The following ZNF592 variants were observed in gnomAD, a reference collection of about 807,000 sequenced individuals.
ZNF592 encodes spinocerebellar ataxia, autosomal recessive 5.
Under a neutral mutation model 80.3 loss-of-function variants are expected in ZNF592, and 11 were observed. The observed-to-expected ratio is 0.14, with a 90% confidence interval of 0.09 to 0.23. The LOEUF is 0.23. ZNF592 is among the 10% of genes least tolerant of loss of function. ZNF592 has a pLI of 1.00. For synonymous variants in ZNF592, 646 were observed against 640.3 expected (o/e 1.01, Z -0.13); for missense variants, 1,420 against 1,633.9 (o/e 0.87, Z 2.26).
rs148630840 is a variant in ZNF592, at chr15:84,784,735, C to T, written c.2060C>T (p.Ser687Leu). Residue 687 changes from serine (S) to leucine (L), a missense_variant, in exon 4 of 11, where the codon TCG becomes TTG. Around this residue, in one of 7 missense-constraint regions of ZNF592, gnomAD observed 524 missense variants for 628.3 expected, o/e 0.83. Coordinates refer to ENST00000560079, the MANE Select transcript of ZNF592 (RefSeq NM_014630.3). The surrounding 1 kb of genome is among the most constrained non-coding windows in gnomAD (Gnocchi z 5.8). ...TCCTCTCCCAAACATGGCCTCACTT[C>T]GGGCAGTGCCAGTCCCCCTCCTCCA... ...PSSSPKHGLT[S>L]GSASPPPPAL... 166 of 1,614,138 alleles carry T rather than the reference C, an allele frequency of 1.0e-4. 1 individual carries two copies. In the East Asian group the frequency reaches 1.1e-3, roughly 11 times the overall value.
rs377723298 is a variant in ZNF592, at chr15:84,802,329, A to G, written c.3740A>G (p.Asn1247Ser). Residue 1247 changes from asparagine (N) to serine (S), a missense_variant, in exon 11 of 11, where the codon AAT becomes AGT. Around this residue, in one of 7 missense-constraint regions of ZNF592, gnomAD observed 145 missense variants for 211.9 expected, o/e 0.68. Coordinates refer to ENST00000560079, the MANE Select transcript of ZNF592 (RefSeq NM_014630.3). The stretch of plus-strand genomic sequence containing the variant: ...GCCCCTGAGGACGATGGTGGCCACA[A>G]TGATCACAGTCAACCACAGGCCTCT... Reference protein sequence around the residue: ...GPAPEDDGGHNDHSQPQASQD... With the variant: ...GPAPEDDGGHSDHSQPQASQD... 1.5e-5 allele frequency: 25 copies of G among 1,613,880 alleles called. No homozygotes were observed. The highest frequency in any genetic ancestry group is 1.9e-5 in the Non-Finnish European group (22 of 1,180,028).
chr15:84,783,620 T>C lies in ZNF592; in HGVS notation c.945T>C (p.Thr315=). The C allele has an allele frequency of 6.2e-7, 1 of 1,614,068 alleles. No homozygotes were observed. Among genetic ancestry groups the C allele is most frequent in the Non-Finnish European group, 8.5e-7 (1 of 1,180,010 alleles). Reference sequence around the variant, plus strand: ...ACACAAAGGATCTCTCAGGGCCCACTAAAGAGAGTTCTAAAGGTAGCCCCA... The same window carrying C: ...ACACAAAGGATCTCTCAGGGCCCACCAAAGAGAGTTCTAAAGGTAGCCCCA... The part of the protein sequence containing the change: ...PGHTKDLSGP[T]KESSKGSPKM... The change falls in exon 4 of 11, where the codon ACT becomes ACC. Residue 315 remains threonine, a synonymous_variant. Transcript: ENST00000560079. This position sits in a 1 kb window ranked among gnomAD's most constrained non-coding sequence, Gnocchi z 5.0.
chr15:84,787,417 A>C (rs1962622241), intron 4 of ZNF592, among the ~76,000 whole-genome samples: 1 of 152,212 alleles, frequency 6.6e-6, no homozygotes, highest in South Asian at 2.1e-4. Flanking sequence ...TATGGGATTA[A>C]AAACTAGGCT....
intron 3 of ZNF592, among the ~76,000 whole-genome samples, chr15:84,781,111 C>T (rs1435310956): frequency 2.6e-5 from 4 of 151,956 alleles, no homozygotes; most frequent in African/African-American, 7.3e-5. Context: ...GGCAGTGGTG[C>T]GATCTCTACT....
At chr15:84,773,438 C>T (rs1029712800) in intron 2 of ZNF592, among the ~76,000 whole-genome samples, 1 of 152,106 alleles carries the variant, frequency 6.6e-6, no homozygotes, top group Non-Finnish European at 1.5e-5. Context: ...GTCTCGATCT[C>T]CTGACCTCGT....
chr15:84,777,470 C>T lies in ZNF592; in HGVS notation c.-149-713C>T, dbSNP rs1329641562. 3.6e-5 allele frequency among the ~76,000 whole-genome samples: 5 copies of T among 138,990 alleles called. No homozygotes were observed. The East Asian group carries it at 6.3e-4, about 17-fold the overall frequency. The allele number at this position is 138,990 out of a possible 152,430, so 91.2% of individuals were successfully genotyped here. ...CAGACTGGGTGACAGGGCAAGACTC[C>T]GTCTCAAAAAAAAAAAAAAAGAAAA... On this transcript the variant is annotated intron_variant, in intron 2 of 10. Coordinates refer to ENST00000560079, the MANE Select transcript of ZNF592 (RefSeq NM_014630.3).
At chr15:84,754,775 G>C (rs1239212798) in intron 1 of ZNF592, among the ~76,000 whole-genome samples, 1 of 151,922 alleles carries the variant, frequency 6.6e-6, no homozygotes, top group Non-Finnish European at 1.5e-5. Context: ...GGGATGAAAA[G>C]GATGATAATG....
At chr15:84,767,382 C>T (rs1308544108) in intron 2 of ZNF592, among the ~76,000 whole-genome samples, 1 of 152,058 alleles carries the variant, frequency 6.6e-6, no homozygotes, top group Non-Finnish European at 1.5e-5. Context: ...CCCAGCAGGT[C>T]TGAGGCTGCT....
chr15:84,772,131 C>G (rs1291185702), intron 2 of ZNF592, among the ~76,000 whole-genome samples: 3 of 152,172 alleles, frequency 2.0e-5, no homozygotes, highest in South Asian at 4.1e-4. Context: ...CATTCCCAAT[C>G]TGGGGCTTTG....
Position 84,750,940 on chromosome 15 carries a change from T to G in ZNF592, c.-259+2276T>G, listed in dbSNP as rs796813607. The stretch of plus-strand genomic sequence containing the variant: ...TGTATCTCCAGTGTAATTAGGAACC[T>G]TTGAAGGGTTTAAGGGAATGACATG... On this transcript the variant is annotated intron_variant, in intron 1 of 10. Coordinates refer to ENST00000560079, the MANE Select transcript of ZNF592 (RefSeq NM_014630.3). Among the ~76,000 whole-genome samples, 5 of 152,300 alleles carry G rather than the reference T, an allele frequency of 3.3e-5. 1 individual carries two copies. The highest frequency in any genetic ancestry group is 1.2e-4 in the African/African-American group (5 of 41,566).
chr15:84,790,654 C>G, intron 4 of ZNF592, 51 bp from the exon 5 acceptor site: 1 of 1,593,498 alleles, frequency 6.3e-7, no homozygotes, highest in Non-Finnish European at 8.6e-7. Flanking sequence ...GATTGGAGAG[C>G]CACAGGCCTA....
At chr15:84,767,766 T>C (rs1185202402) in intron 2 of ZNF592, among the ~76,000 whole-genome samples, 1 of 152,156 alleles carries the variant, frequency 6.6e-6, no homozygotes, top group African/African-American at 2.4e-5. Context: ...AGCAGCTTTA[T>C]TGAGATATAA....
chr15:84,774,807 A>T (rs1251399657), intron 2 of ZNF592, among the ~76,000 whole-genome samples: 1 of 152,054 alleles, frequency 6.6e-6, no homozygotes, highest in East Asian at 1.9e-4. Flanking sequence ...TTTGAGACAG[A>T]GTCCACTCTG....
Position 84,802,012 on chromosome 15 carries a change from C to T in ZNF592, c.3423C>T (p.Ser1141=), listed in dbSNP as rs1259798293. 6.2e-7 allele frequency: 1 copy of T among 1,613,968 alleles called. No homozygotes were observed. The highest frequency in any genetic ancestry group is 2.2e-5 in the East Asian group (1 of 44,880). The part of the protein sequence containing the change: ...FATDSGLEFQ[S]HIPQHQVDSS... Reference sequence around the variant, plus strand: ...CAGACTCGGGGCTCGAGTTTCAGAGCCACATACCTCAGCACCAGGTGGACA... The same window carrying T: ...CAGACTCGGGGCTCGAGTTTCAGAGTCACATACCTCAGCACCAGGTGGACA... The change falls in exon 11 of 11, where the codon AGC becomes AGT. Residue 1141 remains serine (S), a synonymous_variant. Coordinates refer to ENST00000560079, the MANE Select transcript of ZNF592 (RefSeq NM_014630.3).
At chr15:84,786,742 A>G (rs1437316994) in intron 4 of ZNF592, among the ~76,000 whole-genome samples, 2 of 151,014 alleles carry the variant, frequency 1.3e-5, no homozygotes, top group African/African-American at 2.4e-5. Flanking sequence ...GAGTTGGGCC[A>G]GGTTTACTTT....
rs1212544565 is a variant in ZNF592, at chr15:84,801,928, T to A, written c.3339T>A (p.Thr1113=). The A allele has an allele frequency of 1.9e-6, 3 of 1,613,972 alleles. No homozygotes were observed. Among genetic ancestry groups the A allele is most frequent in the Non-Finnish European group, 2.5e-6 (3 of 1,179,856 alleles). The change falls in exon 11 of 11, where the codon ACT becomes ACA. Residue 1113 remains threonine, a synonymous_variant. Coordinates refer to ENST00000560079, the MANE Select transcript of ZNF592 (RefSeq NM_014630.3). ...CTCCAGGCACCAGCAATGGCGCAAC[T>A]GTCTCTTCCACCAAAAGGCACAAGT... ...GDAPGTSNGA[T]VSSTKRHKSL...
At position 84,805,997 on chromosome 15, in the gene ZNF592, T is replaced by G. The variant is rs1050446852; in HGVS notation, c.*3604T>G. On this transcript the variant is annotated 3_prime_UTR_variant, in exon 11 of 11. Transcript: ENST00000560079. Reference sequence around the variant, plus strand: ...ATACACAGTGTTCTGAAGCTTGCTTTCTTATATAGTATTTTGGAGATTATT... The same window carrying G: ...ATACACAGTGTTCTGAAGCTTGCTTGCTTATATAGTATTTTGGAGATTATT... The G allele has an allele frequency of 4.6e-5, 7 of 152,638 alleles. No individual in the cohort carries two copies. Among genetic ancestry groups the G allele is most frequent in the African/African-American group, 1.4e-4 (6 of 41,460 alleles). 9.5% of individuals were successfully genotyped at this position (152,638 alleles called of 1,614,324 possible). A position where few individuals can be genotyped will look rare whatever the true frequency, so the allele number is the denominator to read the frequency against.
At chr15:84,758,308 C>T (rs755513914) in intron 1 of ZNF592, among the ~76,000 whole-genome samples, 2 of 150,768 alleles carry the variant, frequency 1.3e-5, no homozygotes, top group African/African-American at 4.9e-5. Flanking sequence ...TTTTTGAGAC[C>T]GTCTCGCTCT....
At chr15:84,774,104 G>T (rs1962172376) in intron 2 of ZNF592, among the ~76,000 whole-genome samples, 1 of 152,222 alleles carries the variant, frequency 6.6e-6, no homozygotes, top group Non-Finnish European at 1.5e-5. Flanking sequence ...TTCCCTGAAT[G>T]TTCCTTCACA....
Sources: allele counts gnomAD v4.1 joint callset (sites outside exome capture counted in the v4.1 genomes callset), GRCh38; gene constraint gnomAD v4.1.1; regional missense constraint gnomAD v4.1.1; non-coding constraint Gnocchi (gnomAD v3.1); transcripts MANE v1.5; gene names NCBI Gene and HGNC (gene_info 2026-07-23, HGNC 2026-07-21).